ELAPOR1: variants seen among roughly 807,000 people sequenced by gnomAD.
ELAPOR1 encodes the protein endosome-lysosome associated apoptosis and autophagy regulator 1.
In ELAPOR1, 77 loss-of-function variants were observed where a neutral mutation model predicts 119.7. The ratio of observed to expected loss-of-function variants is 0.64; its 90% CI spans 0.54 to 0.78. ELAPOR1 has a LOEUF of 0.78. Among genes scored for constraint, ELAPOR1 ranks in the 30% least tolerant of loss-of-function variants. ELAPOR1 has a pLI of 0.00. For missense variants in ELAPOR1, 1,115 were observed against 1,270.4 expected (o/e 0.88, Z 1.86); for synonymous variants, 481 against 487.2 (o/e 0.99, Z 0.17).
chr1:109,131,632 G>C (rs1294127927), intron 1 of ELAPOR1, among the ~76,000 whole-genome samples: 2 of 152,142 alleles, frequency 1.3e-5, no homozygotes, highest in Non-Finnish European at 2.9e-5. Flanking sequence ...AGGTTAGTGA[G>C]GGAAAGGGAA....
chr1:109,194,512 T>C lies in ELAPOR1; in HGVS notation c.2039T>C (p.Val680Ala). The C allele has an allele frequency of 6.2e-7, 1 of 1,613,882 alleles. No homozygotes were observed. Among genetic ancestry groups the C allele is most frequent in the African/African-American group, 1.3e-5 (1 of 75,058 alleles). Residue 680 changes from valine (V) to alanine (A), a missense_variant, in exon 15 of 22, where the codon GTC (valine) becomes GCC (alanine). Physicochemically the swap from Val to Ala is moderately conservative, Grantham distance 64 (BLOSUM62 0). Coordinates refer to ENST00000369939, the MANE Select transcript of ELAPOR1 (RefSeq NM_020775.5). The part of the protein sequence containing the change: ...NYNFSALANT[V>A]TLAGGPSFTS... ...AACTTCTCCGCTTTGGCAAACACTG[T>C]CACTCTTGCTGGAGGGCCAAGCTTC... is the stretch of plus-strand genomic sequence containing the variant.
chr1:109,180,971 AG>A (rs1652658524), intron 7 of ELAPOR1, among the ~76,000 whole-genome samples: 1 of 152,246 alleles, frequency 6.6e-6, no homozygotes, highest in South Asian at 2.1e-4. Context: ...TCTAAAAAAA[AG>A]AAAAGAAAAG....
At chr1:109,180,319 T>A (rs1652614728) in intron 7 of ELAPOR1, among the ~76,000 whole-genome samples, 1 of 152,158 alleles carries the variant, frequency 6.6e-6, no homozygotes, top group African/African-American at 2.4e-5. Flanking sequence ...GCAAATTACT[T>A]ATCTGTGCCT....
chr1:109,157,437 C>T (rs371950202), intron 1 of ELAPOR1, among the ~76,000 whole-genome samples: 6 of 152,272 alleles, frequency 3.9e-5, no homozygotes, highest in East Asian at 3.9e-4. Flanking sequence ...AGGGCCCTAT[C>T]GCACATGGGG....
intron 2 of ELAPOR1, among the ~76,000 whole-genome samples, chr1:109,163,864 T>C (rs1227917325): frequency 6.6e-6 from 1 of 151,884 alleles, no homozygotes; most frequent in Non-Finnish European, 1.5e-5. Context: ...AAGGGAGAAA[T>C]TCAAGGCTGA....
chr1:109,139,179 C>T (rs1649674556), intron 1 of ELAPOR1, among the ~76,000 whole-genome samples: 1 of 151,738 alleles, frequency 6.6e-6, no homozygotes, highest in Non-Finnish European at 1.5e-5. Flanking sequence ...GGCAATACCC[C>T]GTCTCTACTA....
At chr1:109,200,704 A>T in intron 20 of ELAPOR1, 31 bp from the exon 21 acceptor site, 1 of 1,604,198 alleles carries the variant, frequency 6.2e-7, no homozygotes, top group Non-Finnish European at 8.5e-7. Context: ...ACATTTTGGG[A>T]TCTTGTCTTT....
intron 7 of ELAPOR1, among the ~76,000 whole-genome samples, chr1:109,180,566 T>C (rs2093933): frequency 0.26 from 38,761 of 151,978 alleles, 5,228 homozygotes; most frequent in East Asian, 0.52. Flanking sequence ...ATTGTGAGGA[T>C]TGGTTAATAC....
chr1:109,144,061 ATT>A lies in ELAPOR1; in HGVS notation c.154-17819_154-17818del, dbSNP rs71069655. 1.0e-3 allele frequency among the ~76,000 whole-genome samples: 90 copies of A among 88,986 alleles called. 5 individuals carry two copies. Among genetic ancestry groups the A allele is most frequent in the African/African-American group, 4.1e-3 (84 of 20,740 alleles). 58.4% of individuals were successfully genotyped at this position (88,986 alleles called of 152,430 possible). On this transcript the variant is annotated intron_variant, in intron 1 of 21. Transcript: ENST00000369939. ...TATATATATATATATATATTTATAT[ATT>A]TTTTTTTTTTTTTGAGATGGAGTTT...
At chr1:109,122,661 TA>T (rs988021917) in intron 1 of ELAPOR1, among the ~76,000 whole-genome samples, 36 of 135,670 alleles carry the variant, frequency 2.7e-4, no homozygotes, top group East Asian at 9.3e-4. Flanking sequence ...ACTCTCTCTT[TA>T]AAAAAAAAAA....
chr1:109,115,841 A>G (rs1647961322), intron 1 of ELAPOR1, among the ~76,000 whole-genome samples: 1 of 152,162 alleles, frequency 6.6e-6, no homozygotes, highest in African/African-American at 2.4e-5. Context: ...CTACATTTCC[A>G]CCTAGCCGCA....
At chr1:109,123,461 A>G (rs1329588100) in intron 1 of ELAPOR1, among the ~76,000 whole-genome samples, 2 of 152,338 alleles carry the variant, frequency 1.3e-5, no homozygotes, top group South Asian at 4.1e-4. Flanking sequence ...ATCTGTTGGT[A>G]TAGATCACTG....
At chr1:109,120,946 G>A (rs568197541) in intron 1 of ELAPOR1, among the ~76,000 whole-genome samples, 1 of 152,264 alleles carries the variant, frequency 6.6e-6, no homozygotes, top group African/African-American at 2.4e-5. Context: ...ACATCTTAGG[G>A]TAAAACAGAA....
chr1:109,140,914 C>T (rs149613410), intron 1 of ELAPOR1, among the ~76,000 whole-genome samples: 4 of 152,254 alleles, frequency 2.6e-5, no homozygotes, highest in East Asian at 3.9e-4. Context: ...TGCAGTGCCA[C>T]GATCTCGGCT....
chr1:109,192,484 G>A, intron 13 of ELAPOR1, 127 bp from the exon 14 acceptor site: 1 of 1,025,020 alleles, frequency 9.8e-7, no homozygotes, highest in Non-Finnish European at 1.5e-6. Context: ...AAAAGAGTCA[G>A]ATGCTTCTCA....
At chr1:109,134,279 T>C (rs1343472823) in intron 1 of ELAPOR1, among the ~76,000 whole-genome samples, 2 of 152,182 alleles carry the variant, frequency 1.3e-5, no homozygotes, top group South Asian at 2.1e-4. Flanking sequence ...TGAAGGCGAC[T>C]CAATGGCACT....
chr1:109,136,517 C>G lies in ELAPOR1; in HGVS notation c.153+22181C>G, dbSNP rs945292083. Among the ~76,000 whole-genome samples, 5 of 152,120 alleles carry G rather than the reference C, an allele frequency of 3.3e-5. 1 individual carries two copies. Among genetic ancestry groups the G allele is most frequent in the Admixed American group, 3.3e-4 (5 of 15,266 alleles). ...ACAAATTTCTATTGTTCAAAGCCAC[C>G]CAGTCTGTGGCACTTTGTTACAGCA... On this transcript the variant is annotated intron_variant, in intron 1 of 21. Transcript: ENST00000369939.
At position 109,144,061 on chromosome 1, in the gene ELAPOR1, A is replaced by ATATATATATATATT; in HGVS notation, c.154-17832_154-17831insATATATATATATTT. ...TATATATATATATATATATTTATAT[A>ATATATATATATATT]TTTTTTTTTTTTTTTGAGATGGAGT... On this transcript the variant is annotated intron_variant, in intron 1 of 21. Transcript: ENST00000369939. Among the ~76,000 whole-genome samples the ATATATATATATATT allele has an allele frequency of 8.1e-4, 72 of 88,960 alleles. 4 individuals are homozygous for ATATATATATATATT. The highest frequency in any genetic ancestry group is 1.9e-3 in the Admixed American group (15 of 7,814). 58.4% of individuals were successfully genotyped at this position (88,960 alleles called of 152,430 possible).
At chr1:109,190,324 G>C (rs950980347) in intron 11 of ELAPOR1, among the ~76,000 whole-genome samples, 1 of 152,240 alleles carries the variant, frequency 6.6e-6, no homozygotes, top group African/African-American at 2.4e-5. Context: ...CTGAGGTTCA[G>C]ATGGCTTTTC....
Sources: gnomAD v4.1 joint callset for allele counts (sites outside exome capture counted in the v4.1 genomes callset) on GRCh38, gnomAD v4.1.1 for gene constraint, MANE v1.5 for transcripts, NCBI Gene and HGNC (gene_info 2026-07-23, HGNC 2026-07-21) for gene names.